Variants in UCHL1 observed in about 807,000 individuals in gnomAD.
UCHL1 encodes the protein ubiquitin carboxyl-terminal hydrolase isozyme L1.
UCHL1 carries 5 observed loss-of-function variants against 33.3 expected under a neutral mutation model. That is an observed-to-expected ratio of 0.15 (90% CI 0.08 to 0.32). The LOEUF (loss-of-function observed/expected upper bound fraction) is 0.32, where lower values mean the gene tolerates loss of function less well. UCHL1 is among the 10% of genes least tolerant of loss of function. UCHL1 has a pLI of 1.00. For missense variants in UCHL1, 236 were observed against 280.0 expected (o/e 0.84, Z 1.12); for synonymous variants, 132 against 108.8 (o/e 1.21, Z -1.33).
chr4:41,257,090 C>G, intron 1 of UCHL1, 25 bp from the exon 2 acceptor site: 1 of 1,614,046 alleles, frequency 6.2e-7, no homozygotes, highest in Non-Finnish European at 8.5e-7. Context: ...TCGGTTTTGC[C>G]TTTTTCTTTG....
At chr4:41,263,387 C>T in intron 7 of UCHL1, 96 bp downstream of exon 7, 1 of 1,188,124 alleles carries the variant, frequency 8.4e-7, no homozygotes, top group Non-Finnish European at 1.3e-6. Flanking sequence ...TGGCACTTGG[C>T]ATATCATTGT....
rs2342532 is a variant in UCHL1, at chr4:41,266,420, C to T, written c.586-1567C>T. On this transcript the variant is annotated intron_variant, in intron 8 of 8. Coordinates refer to ENST00000284440, the MANE Select transcript of UCHL1 (RefSeq NM_004181.5). ...TGGTTAGAATATACATGCACTTAAC[C>T]CAAATATCTTAAGCTTGAATGAATT... is the stretch of plus-strand genomic sequence containing the variant. 9.3e-3 allele frequency among the ~76,000 whole-genome samples: 1,415 copies of T among 151,994 alleles called. 24 individuals are homozygous for T. The highest frequency in any genetic ancestry group is 0.032 in the African/African-American group (1,333 of 41,434).
rs568673873 is a variant in UCHL1 at position 41,267,030 on chromosome 4, CT to C, written c.586-951del. 5.0e-3 allele frequency among the ~76,000 whole-genome samples: 767 copies of C among 152,232 alleles called. 7 individuals are homozygous for C. The highest frequency in any genetic ancestry group is 0.017 in the African/African-American group (704 of 41,552). ...TTTACAGAGCTATCTTTCCACTGGG[CT>C]TTTTTACAGATTGAACAGAGTAATA... On this transcript the variant is annotated intron_variant, in intron 8 of 8. Transcript: ENST00000284440.
At chr4:41,261,581 G>A (rs1453376526) in intron 4 of UCHL1, 134 bp from the exon 5 acceptor site, 15 of 918,058 alleles carry the variant, frequency 1.6e-5, no homozygotes, top group Non-Finnish European at 2.4e-5. Context: ...AAAAGGTACA[G>A]CTCATCCACA....
chr4:41,266,806 G>A (rs766030110), intron 8 of UCHL1, among the ~76,000 whole-genome samples: 29 of 151,928 alleles, frequency 1.9e-4, no homozygotes, highest in Non-Finnish European at 2.4e-4. Flanking sequence ...TTTTAGTAGA[G>A]ATTTTGCCCA....
At chr4:41,264,779 A>G (rs547559341) in intron 8 of UCHL1, among the ~76,000 whole-genome samples, 1 of 152,320 alleles carries the variant, frequency 6.6e-6, no homozygotes, top group South Asian at 2.1e-4. Context: ...AGTTGAATCA[A>G]TTTGCTATTA....
intron 8 of UCHL1, among the ~76,000 whole-genome samples, chr4:41,265,326 C>T (rs1781134358): frequency 6.6e-6 from 1 of 152,222 alleles, no homozygotes; most frequent in Non-Finnish European, 1.5e-5. Flanking sequence ...TGCCTATAAT[C>T]CCAGCACTTG....
chr4:41,265,765 A>G (rs1044782591), intron 8 of UCHL1, among the ~76,000 whole-genome samples: 1 of 152,172 alleles, frequency 6.6e-6, no homozygotes. Context: ...CATCTGTCAG[A>G]CACACCTGAG....
At position 41,260,731 on chromosome 4, in the gene UCHL1, G is replaced by A; in HGVS notation, c.259G>A (p.Gly87Arg). The A allele has an allele frequency of 6.2e-7, 1 of 1,614,198 alleles. No individual in the cohort carries two copies. ...AGTGTACTTCATGAAGCAGACCATT[G>A]GGAATTCCTGTGGCACAATCGGACT... ...PKVYFMKQTI[G>R]NSCGTIGLIH... Residue 87 changes from glycine to arginine, a missense_variant, in exon 4 of 9, where the codon GGG becomes AGG. Coordinates refer to ENST00000284440, the MANE Select transcript of UCHL1 (RefSeq NM_004181.5).
Position 41,260,732 on chromosome 4 carries a change from G to A in UCHL1, c.260G>A (p.Gly87Glu). Residue 87 changes from glycine to glutamate, a missense_variant, in exon 4 of 9, where the codon GGG becomes GAG. Gly to Glu is a moderately conservative substitution (Grantham distance 98). Coordinates refer to ENST00000284440, the MANE Select transcript of UCHL1 (RefSeq NM_004181.5). ...PKVYFMKQTI[G>E]NSCGTIGLIH... Reference sequence around the variant, plus strand: ...GTGTACTTCATGAAGCAGACCATTGGGAATTCCTGTGGCACAATCGGACTT... The same window carrying A: ...GTGTACTTCATGAAGCAGACCATTGAGAATTCCTGTGGCACAATCGGACTT... The A allele has an allele frequency of 6.2e-7, 1 of 1,614,206 alleles. No homozygotes were observed. The highest frequency in any genetic ancestry group is 8.5e-7 in the Non-Finnish European group (1 of 1,180,042).
chr4:41,265,914 G>C (rs1297790505), intron 8 of UCHL1, among the ~76,000 whole-genome samples: 1 of 152,184 alleles, frequency 6.6e-6, no homozygotes, highest in Non-Finnish European at 1.5e-5. Flanking sequence ...AAGAAAACAG[G>C]CAGAATTTCT....
intron 3 of UCHL1, among the ~76,000 whole-genome samples, chr4:41,258,148 T>G (rs1419177701): frequency 1.3e-5 from 2 of 152,162 alleles, no homozygotes; most frequent in African/African-American, 4.8e-5. Flanking sequence ...AGCTGTAGAA[T>G]GGAGGGGGAA....
Position 41,268,369 on chromosome 4 carries a change from C to T in UCHL1, c.*296C>T. 1 of 450,292 alleles carries T rather than the reference C, an allele frequency of 2.2e-6. No homozygotes were observed. Among genetic ancestry groups the T allele is most frequent in the Non-Finnish European group, 4.0e-6 (1 of 250,192 alleles). 27.9% of individuals were successfully genotyped at this position (450,292 alleles called of 1,614,324 possible). ...TTTGGTTTCTGTCTGTAAGTTAAGA[C>T]CTTGGATGTGGTTTAATTGTTTGTC... On this transcript the variant is annotated 3_prime_UTR_variant, in exon 9 of 9. Transcript: ENST00000284440.
In UCHL1 at chr4:41,268,031, A is replaced by G. The variant is rs753093031; in HGVS notation, c.630A>G (p.Gly210=). The G allele has an allele frequency of 9.3e-6, 15 of 1,613,590 alleles. No individual in the cohort carries two copies. In the African/African-American group the frequency reaches 1.2e-4, roughly 13 times the overall value. Residue 210 remains glycine (G), a synonymous_variant, in exon 9 of 9, where the codon GGA becomes GGG. Coordinates refer to ENST00000284440, the MANE Select transcript of UCHL1 (RefSeq NM_004181.5). The part of the protein sequence containing the change: ...VCREFTEREQ[G]EVRFSAVALC... ...GAGAATTCACCGAGCGTGAGCAAGG[A>G]GAAGTCCGCTTCTCTGCCGTGGCTC...
In UCHL1 at chr4:41,261,921, C is replaced by T. The variant is rs139583787; in HGVS notation, c.457C>T (p.Arg153Trp). 9.2e-5 allele frequency: 148 copies of T among 1,614,022 alleles called. No individual in the cohort carries two copies. Among genetic ancestry groups the T allele is most frequent in the East Asian group, 6.7e-5 (3 of 44,874 alleles). Residue 153 changes from arginine to tryptophan, a missense_variant and splice_region_variant, in exon 6 of 9, where the codon CGG (arginine) becomes TGG (tryptophan). Arg to Trp is a moderately radical substitution (Grantham distance 101). Coordinates refer to ENST00000284440, the MANE Select transcript of UCHL1 (RefSeq NM_004181.5). The part of the protein sequence containing the change: ...HDAVAQEGQC[R>W]VDDKVNFHFI... Reference sequence around the variant, plus strand: ...TGCCGTGGCACAGGAAGGCCAATGTCGGGTAAATGCAAATACAAATCGGAG... The same window carrying T: ...TGCCGTGGCACAGGAAGGCCAATGTTGGGTAAATGCAAATACAAATCGGAG...
intron 8 of UCHL1, among the ~76,000 whole-genome samples, chr4:41,267,030 C>CT (rs568673873): frequency 6.6e-6 from 1 of 152,116 alleles, no homozygotes; most frequent in Non-Finnish European, 1.5e-5. Context: ...TTCCACTGGG[C>CT]TTTTTTACAG....
Position 41,257,662 on chromosome 4 carries a change from G to A in UCHL1, c.99G>A (p.Gly33=). 1 of 1,571,510 alleles carries A rather than the reference G, an allele frequency of 6.4e-7. No individual in the cohort carries two copies. The highest frequency in any genetic ancestry group is 1.3e-5 in the African/African-American group (1 of 74,248). The stretch of plus-strand genomic sequence containing the variant: ...AGTGGCGCTTCGTGGACGTGCTGGG[G>A]CTGGAAGAGGAGTCTCTGGGCTCGG... The part of the protein sequence containing the change: ...AGQWRFVDVL[G]LEEESLGSVP... Residue 33 remains glycine (G), a synonymous_variant, in exon 3 of 9, where the codon GGG becomes GGA. Transcript: ENST00000284440.
intron 6 of UCHL1, among the ~76,000 whole-genome samples, chr4:41,262,689 G>GTGA (rs1253869186): frequency 1.3e-5 from 2 of 151,650 alleles, no homozygotes; most frequent in Non-Finnish European, 2.9e-5. Flanking sequence ...ATGCAGTGGT[G>GTGA]TGATCTTGGC....
Position 41,261,930 on chromosome 4 carries a change from G to T in UCHL1, c.459+7G>T. On this transcript the variant is annotated splice_region_variant and intron_variant, in intron 6 of 8. Transcript: ENST00000284440. The stretch of plus-strand genomic sequence containing the variant: ...ACAGGAAGGCCAATGTCGGGTAAAT[G>T]CAAATACAAATCGGAGCCAGGCTGC... 1 of 1,614,020 alleles carries T rather than the reference G, an allele frequency of 6.2e-7. No individual in the cohort carries two copies. Among genetic ancestry groups the T allele is most frequent in the South Asian group, 1.1e-5 (1 of 91,062 alleles).
Sources: gnomAD v4.1 joint callset for allele counts (sites outside exome capture counted in the v4.1 genomes callset) on GRCh38, gnomAD v4.1.1 for gene constraint, MANE v1.5 for transcripts, NCBI Gene and HGNC (gene_info 2026-07-23, HGNC 2026-07-21) for gene names.